Variants in BICC1 observed in about 807,000 individuals in gnomAD.
The protein encoded by BICC1 is BicC family RNA binding protein 1, also known as protein bicaudal C homolog 1.
Under a neutral mutation model 111.0 loss-of-function variants are expected in BICC1, and 43 were observed. The ratio of observed to expected loss-of-function variants is 0.39; its 90% CI spans 0.30 to 0.50. BICC1 has a LOEUF of 0.50. Ranked by LOEUF, BICC1 falls within the 20% of genes least tolerant of loss-of-function variation. The pLI, the probability that BICC1 is intolerant of heterozygous loss-of-function variation, is 0.88. For synonymous variants in BICC1, 467 were observed against 434.4 expected, an observed-to-expected ratio of 1.07 and a Z score of -0.93; for missense variants, 1,091 against 1,203.2, an observed-to-expected ratio of 0.91 and a Z score of 1.38.
At chr10:58,721,115 C>T (rs1160910747) in intron 3 of BICC1, among the ~76,000 whole-genome samples, 1 of 152,226 alleles carries the variant, frequency 6.6e-6, no homozygotes, top group Non-Finnish European at 1.5e-5. Context: ...GGAGTCAGAA[C>T]ACAAATGCCC....
At chr10:58,554,350 C>T (rs574806011) in intron 1 of BICC1, among the ~76,000 whole-genome samples, 11 of 152,242 alleles carry the variant, frequency 7.2e-5, no homozygotes, top group Non-Finnish European at 1.2e-4. Flanking sequence ...TCTTCTTTTC[C>T]TGTCTTGTAA....
chr10:58,612,553 C>T (rs1215283319), intron 1 of BICC1, among the ~76,000 whole-genome samples: 4 of 150,006 alleles, frequency 2.7e-5, no homozygotes, highest in South Asian at 2.1e-4. Context: ...TTCAGGTGAC[C>T]GAAAAGCACA....
intron 1 of BICC1, among the ~76,000 whole-genome samples, chr10:58,572,068 T>C (rs566502245): frequency 1.7e-3 from 252 of 152,344 alleles, no homozygotes; most frequent in African/African-American, 5.7e-3. Flanking sequence ...AGTTTTGATT[T>C]GCATTTCTCT....
intron 2 of BICC1, among the ~76,000 whole-genome samples, chr10:58,666,687 TTTC>T (rs1320470709): frequency 6.6e-6 from 1 of 152,158 alleles, no homozygotes; most frequent in Non-Finnish European, 1.5e-5. Flanking sequence ...TTTGAATCTC[TTTC>T]TTCACCTGTT....
chr10:58,760,651 C>T (rs1468622896), intron 3 of BICC1, among the ~76,000 whole-genome samples: 1 of 151,852 alleles, frequency 6.6e-6, no homozygotes, highest in African/African-American at 2.4e-5. Context: ...AAATTGAACA[C>T]GTGTTAAAGA....
chr10:58,611,720 C>T (rs1015860347), intron 1 of BICC1, among the ~76,000 whole-genome samples: 2 of 151,936 alleles, frequency 1.3e-5, no homozygotes, highest in Non-Finnish European at 2.9e-5. Flanking sequence ...AAACTCCTGA[C>T]CTCAGGTGAT....
At chr10:58,763,535 G>T (rs973882772) in intron 3 of BICC1, among the ~76,000 whole-genome samples, 1 of 152,152 alleles carries the variant, frequency 6.6e-6, no homozygotes, top group African/African-American at 2.4e-5. Flanking sequence ...GTGCCTCACT[G>T]ACCATTAGAA....
chr10:58,591,577 A>G (rs1177119573), intron 1 of BICC1, among the ~76,000 whole-genome samples: 3 of 152,180 alleles, frequency 2.0e-5, no homozygotes, highest in Non-Finnish European at 4.4e-5. Context: ...GACCCCACCT[A>G]TTGATAAGTA....
chr10:58,695,919 T>G (rs895697991), intron 2 of BICC1, among the ~76,000 whole-genome samples: 3 of 152,252 alleles, frequency 2.0e-5, no homozygotes, highest in Admixed American at 1.3e-4. Context: ...GATTAGATTT[T>G]ACTTGTTTAT....
At chr10:58,726,769 A>G (rs1209828915) in intron 3 of BICC1, among the ~76,000 whole-genome samples, 1 of 152,202 alleles carries the variant, frequency 6.6e-6, no homozygotes, top group African/African-American at 2.4e-5. Flanking sequence ...TGATCATCTT[A>G]AAAATATATC....
intron 3 of BICC1, among the ~76,000 whole-genome samples, chr10:58,769,376 ATG>A (rs71006205): frequency 0.011 from 820 of 72,926 alleles, 5 homozygotes; most frequent in African/African-American, 0.016. Context: ...TTTATAATGT[ATG>A]TGTGTGTGTG....
At chr10:58,697,014 A>T (rs1840084405) in intron 2 of BICC1, among the ~76,000 whole-genome samples, 1 of 152,176 alleles carries the variant, frequency 6.6e-6, no homozygotes, top group African/African-American at 2.4e-5. Flanking sequence ...ACAGCATGAT[A>T]TTTATAGTTT....
chr10:58,540,653 C>T (rs1173572878), intron 1 of BICC1, among the ~76,000 whole-genome samples: 1 of 151,990 alleles, frequency 6.6e-6, no homozygotes, highest in Non-Finnish European at 1.5e-5. Context: ...GACCAGATGG[C>T]TTCACTGGAG....
chr10:58,638,852 TTCTTTTCTTTTTTCTCTTC>T (rs1564525575), intron 2 of BICC1, among the ~76,000 whole-genome samples: 3 of 130,022 alleles, frequency 2.3e-5, no homozygotes, highest in African/African-American at 5.8e-5. Flanking sequence ...TTCTTTTCTT[TTCTTTTCTTTTTTCTCTTC>T]TCTTTTTTCT....
chr10:58,569,892 T>C (rs1337400694), intron 1 of BICC1, among the ~76,000 whole-genome samples: 1 of 152,184 alleles, frequency 6.6e-6, no homozygotes, highest in African/African-American at 2.4e-5. Flanking sequence ...TTTACAATCC[T>C]TTGAATATAT....
At chr10:58,818,576 A>G (rs913440737) in intron 19 of BICC1, among the ~76,000 whole-genome samples, 41 of 152,146 alleles carry the variant, frequency 2.7e-4, no homozygotes, top group Admixed American at 2.6e-3. Flanking sequence ...TGTATCATAA[A>G]TTCAATGTAC....
chr10:58,810,860 C>T (rs1041454476), intron 17 of BICC1, among the ~76,000 whole-genome samples: 2 of 152,038 alleles, frequency 1.3e-5, no homozygotes, highest in African/African-American at 4.8e-5. Flanking sequence ...AGGAGAATGC[C>T]GATCTGTAAA....
At chr10:58,776,214 C>T (rs1842744880) in intron 3 of BICC1, among the ~76,000 whole-genome samples, 1 of 152,108 alleles carries the variant, frequency 6.6e-6, no homozygotes, top group African/African-American at 2.4e-5. Flanking sequence ...ACGGGACTTT[C>T]TTAGTCTAAT....
intron 1 of BICC1, among the ~76,000 whole-genome samples, chr10:58,540,980 A>G (rs749429592): frequency 6.6e-6 from 1 of 152,142 alleles, no homozygotes; most frequent in Non-Finnish European, 1.5e-5. Flanking sequence ...TTGATGCAGA[A>G]GAAGCATTTG....
Sources: gnomAD v4.1 joint callset for allele counts (sites outside exome capture counted in the v4.1 genomes callset) on GRCh38, gnomAD v4.1.1 for gene constraint, MANE v1.5 for transcripts, NCBI Gene and HGNC (gene_info 2026-07-23, HGNC 2026-07-21) for gene names.